Variants in THOC2 observed in about 807,000 individuals in gnomAD.
The protein encoded by THOC2 is THO complex subunit 2.
In THOC2, 10 loss-of-function variants were observed where a neutral mutation model predicts 128.4. That is an observed-to-expected ratio of 0.08 (90% confidence interval 0.05 to 0.13). The LOEUF (loss-of-function observed/expected upper bound fraction) is 0.13, where lower values mean the gene tolerates loss of function less well. Among genes scored for constraint, THOC2 ranks in the 10% least tolerant of loss-of-function variants. The pLI is 1.00. For missense variants in THOC2, 535 were observed against 1,155.7 expected (o/e 0.46, Z 7.79); for synonymous variants, 393 against 396.9 (o/e 0.99, Z 0.12).
chrX:123,636,244 C>T lies in THOC2; in HGVS notation c.1922-69G>A. The T allele has an allele frequency of 1.1e-5, 9 of 831,094 alleles. No individual in the cohort carries two copies. The South Asian group carries it at 2.2e-4, about 20-fold the overall frequency. 68.5% of individuals were successfully genotyped at this position (831,094 alleles called of 1,213,427 possible). A position where few individuals can be genotyped will look rare whatever the true frequency, so the allele number is the denominator to read the frequency against. On this transcript the variant is annotated intron_variant, in intron 18 of 38. Coordinates refer to ENST00000245838, the MANE Select transcript of THOC2 (RefSeq NM_001081550.2). ...ATGCACAAGTATCATTTCAACTAAA[C>T]CTCTAAAACAAAATGAGGTAGCAAT...
chrX:123,707,871 A>C (rs773176381), intron 2 of THOC2, among the ~76,000 whole-genome samples: 152 of 109,891 alleles, frequency 1.4e-3, no homozygotes, highest in African/African-American at 4.9e-3. Context: ...CTCACACCTA[A>C]AATCCCAACA....
At chrX:123,666,220 A>G (rs757525795) in intron 11 of THOC2, among the ~76,000 whole-genome samples, 4 of 112,568 alleles carry the variant, frequency 3.6e-5, no homozygotes, top group African/African-American at 1.3e-4. Flanking sequence ...GATGGACCTA[A>G]GATGCACTGG....
chrX:123,657,043 T>G (rs755057803), intron 12 of THOC2, among the ~76,000 whole-genome samples: 38 of 110,593 alleles, frequency 3.4e-4, no homozygotes, highest in Non-Finnish European at 4.0e-4. Flanking sequence ...TAAGCAGAGA[T>G]ATGGAAATTT....
At chrX:123,633,205 G>A (rs1246023399) in intron 20 of THOC2, among the ~76,000 whole-genome samples, 165 bp from the exon 21 acceptor site, 1 of 111,647 alleles carries the variant, frequency 9.0e-6, no homozygotes, top group Non-Finnish European at 1.9e-5. Flanking sequence ...ACTGACTACA[G>A]TCACTGGCTT....
chrX:123,654,281 G>A (rs1334801436), intron 12 of THOC2, among the ~76,000 whole-genome samples: 1 of 109,788 alleles, frequency 9.1e-6, no homozygotes, highest in Non-Finnish European at 1.9e-5. Context: ...GGGAGGGATA[G>A]CATTAGGAGA....
intron 32 of THOC2, 40 bp from the exon 33 acceptor site, chrX:123,619,476 GTTC>G: frequency 1.2e-5 from 15 of 1,205,355 alleles, no homozygotes; most frequent in Non-Finnish European, 1.7e-5. Flanking sequence ...AGCTGGCATA[GTTC>G]TCAGAACCCA....
In THOC2 at chrX:123,624,536, C is replaced by G; in HGVS notation, c.3186+5G>C. On this transcript the variant is annotated splice_donor_5th_base_variant and intron_variant, in intron 26 of 38. Transcript: ENST00000245838. The stretch of plus-strand genomic sequence containing the variant: ...GTAAAATATAAGGGTTTTTATTAGT[C>G]ATACCTTTTCATATGTGGCTCTATC... 8.3e-7 allele frequency: 1 copy of G among 1,205,137 alleles called. No individual in the cohort carries two copies. Among genetic ancestry groups the G allele is most frequent in the Non-Finnish European group, 1.1e-6 (1 of 892,291 alleles).
intron 12 of THOC2, among the ~76,000 whole-genome samples, chrX:123,665,429 T>G (rs1473913069): frequency 2.7e-5 from 3 of 111,525 alleles, no homozygotes; most frequent in Admixed American, 9.6e-5. Flanking sequence ...GTTTGCACAA[T>G]GACGAATCAC....
chrX:123,686,439 T>C, intron 8 of THOC2, 109 bp downstream of exon 8: 2 of 592,904 alleles, frequency 3.4e-6, no homozygotes. Flanking sequence ...TCTCTTCTGC[T>C]AGAACACCTG....
At chrX:123,649,776 A>C in intron 12 of THOC2, among the ~76,000 whole-genome samples, 1 of 111,443 alleles carries the variant, frequency 9.0e-6, no homozygotes, top group East Asian at 2.8e-4. Context: ...TAAAGGAACA[A>C]ACAAAGCTTC....
At chrX:123,703,149 A>G (rs1306550943) in intron 4 of THOC2, among the ~76,000 whole-genome samples, 1 of 112,142 alleles carries the variant, frequency 8.9e-6, no homozygotes, top group East Asian at 2.8e-4. Context: ...CCTGCATTGA[A>G]TAAGATTATT....
chrX:123,668,721 G>C (rs181138777), intron 9 of THOC2, among the ~76,000 whole-genome samples: 6 of 112,306 alleles, frequency 5.3e-5, no homozygotes, highest in Admixed American at 3.8e-4. Context: ...TTTGGGAAAG[G>C]TGAACTACTG....
At chrX:123,647,344 T>C (rs1473024058) in intron 12 of THOC2, among the ~76,000 whole-genome samples, 1 of 112,251 alleles carries the variant, frequency 8.9e-6, no homozygotes, top group Non-Finnish European at 1.9e-5. Context: ...TGCTTTTTAA[T>C]TCAAAGCAAC....
At chrX:123,713,336 G>A (rs1156846140) in intron 1 of THOC2, among the ~76,000 whole-genome samples, 2 of 110,181 alleles carry the variant, frequency 1.8e-5, no homozygotes, top group African/African-American at 3.3e-5. Context: ...TTAGTCAGGC[G>A]TGGCGGCATG....
At chrX:123,729,212 C>G (rs1222415199) in intron 1 of THOC2, among the ~76,000 whole-genome samples, 1 of 111,885 alleles carries the variant, frequency 8.9e-6, no homozygotes, top group Non-Finnish European at 1.9e-5. Context: ...CCCTTCTGAT[C>G]CCTCTTTAAG....
intron 1 of THOC2, among the ~76,000 whole-genome samples, chrX:123,719,215 T>C (rs1407269754): frequency 9.4e-6 from 1 of 106,753 alleles, no homozygotes; most frequent in East Asian, 2.9e-4. Flanking sequence ...AACAACCCAA[T>C]TTTAAAATGG....
chrX:123,675,997 A>C (rs1221980650), intron 8 of THOC2, among the ~76,000 whole-genome samples: 2 of 112,559 alleles, frequency 1.8e-5, no homozygotes, highest in Non-Finnish European at 3.8e-5. Context: ...ACTCAGACCC[A>C]GAAGAGAAAG....
chrX:123,623,621 T>C (rs1200436639), intron 28 of THOC2, 166 bp downstream of exon 28: 5 of 1,105,531 alleles, frequency 4.5e-6, no homozygotes, highest in Admixed American at 5.2e-5. Context: ...CGGAAGTTGA[T>C]AATCAGAAGT....
intron 3 of THOC2, among the ~76,000 whole-genome samples, chrX:123,703,890 TAAAAAAAAAAAAAA>T (rs774877149): frequency 2.7e-5 from 1 of 37,029 alleles, no homozygotes; most frequent in South Asian, 1.2e-3. Context: ...ACTCTGTCTT[TAAAAAAAAAAAAAA>T]AAAAAAAAAT....
Sources: allele counts gnomAD v4.1 joint callset (sites outside exome capture counted in the v4.1 genomes callset), GRCh38; gene constraint gnomAD v4.1.1; transcripts MANE v1.5; gene names NCBI Gene and HGNC (gene_info 2026-07-23, HGNC 2026-07-21).